Variants in SLC36A4 observed in about 807,000 individuals in gnomAD.
SLC36A4 encodes neutral amino acid uniporter 4.
Under a neutral mutation model 50.5 loss-of-function variants are expected in SLC36A4, and 49 were observed. The ratio of observed to expected loss-of-function variants is 0.97; its 90% CI spans 0.77 to 1.23. The LOEUF (loss-of-function observed/expected upper bound fraction) is 1.23, where lower values mean the gene tolerates loss of function less well. Among genes scored for constraint, SLC36A4 ranks in the 50% most tolerant of loss-of-function variants. The pLI is 0.00. For missense variants in SLC36A4, 611 were observed against 608.4 expected (o/e 1.00, Z -0.05); for synonymous variants, 207 against 206.5 (o/e 1.00, Z -0.02).
intron 6 of SLC36A4, among the ~76,000 whole-genome samples, chr11:93,174,796 G>A (rs1177931540): frequency 1.4e-5 from 2 of 143,780 alleles, no homozygotes; most frequent in Non-Finnish European, 3.0e-5. Flanking sequence ...CAGGGTTGAA[G>A]CCCACTTGAT....
intron 6 of SLC36A4, among the ~76,000 whole-genome samples, chr11:93,176,705 T>C (rs969163618): frequency 1.3e-5 from 2 of 152,204 alleles, no homozygotes; most frequent in African/African-American, 2.4e-5. Context: ...CCTTCACTTA[T>C]GAAGCTTAGT....
chr11:93,152,536 C>G (rs994410215), intron 10 of SLC36A4: 3 of 152,098 alleles, frequency 2.0e-5, no homozygotes, highest in Non-Finnish European at 4.4e-5. Flanking sequence ...TGACTTTTAA[C>G]TAAAAGAAAG....
intron 9 of SLC36A4, chr11:93,160,029 G>C (rs966584098): frequency 6.1e-6 from 6 of 985,254 alleles, no homozygotes; most frequent in Non-Finnish European, 7.2e-6. Context: ...TGAAGCACAG[G>C]AAAGAAGTGA....
chr11:93,144,968 T>C lies in SLC36A4; in HGVS notation c.*3569A>G, dbSNP rs1859819679. The C allele has an allele frequency of 6.6e-6, 1 of 152,030 alleles. No homozygotes were observed. The highest frequency in any genetic ancestry group is 1.5e-5 in the Non-Finnish European group (1 of 67,960). 9.4% of individuals were successfully genotyped at this position (152,030 alleles called of 1,614,324 possible). A position where few individuals can be genotyped will look rare whatever the true frequency, so the allele number is the denominator to read the frequency against. ...TATTTAAATAATTTTATTTATTATT[T>C]ACACTAGCTCTATTTCAAATCTTCT... On this transcript the variant is annotated 3_prime_UTR_variant, in exon 11 of 11. Transcript: ENST00000326402.
At chr11:93,177,983 G>A (rs1447375255) in intron 6 of SLC36A4, among the ~76,000 whole-genome samples, 1 of 152,182 alleles carries the variant, frequency 6.6e-6, no homozygotes, top group Non-Finnish European at 1.5e-5. Flanking sequence ...GGAGTCTACA[G>A]AGGCAGACAG....
At chr11:93,182,970 A>T (rs1026691939) in intron 3 of SLC36A4, 76 bp from the exon 4 acceptor site, 3 of 1,003,020 alleles carry the variant, frequency 3.0e-6, no homozygotes, top group Non-Finnish European at 4.6e-6. Context: ...GAATCAATGG[A>T]TTATTCACGT....
At chr11:93,156,494 A>G (rs1376611481) in intron 9 of SLC36A4, among the ~76,000 whole-genome samples, 1 of 149,472 alleles carries the variant, frequency 6.7e-6, no homozygotes, top group Admixed American at 6.7e-5. Context: ...ATCTTAGCTC[A>G]CTGCAACCTC....
chr11:93,181,540 A>G (rs1861732072), intron 5 of SLC36A4, 151 bp downstream of exon 5: 2 of 495,932 alleles, frequency 4.0e-6, no homozygotes, highest in Admixed American at 8.9e-5. Flanking sequence ...GGTCAAGTTG[A>G]GATTAGAATC....
At chr11:93,157,145 A>T (rs185813651) in intron 9 of SLC36A4, among the ~76,000 whole-genome samples, 1 of 152,070 alleles carries the variant, frequency 6.6e-6, no homozygotes, top group Non-Finnish European at 1.5e-5. Flanking sequence ...TCAAAGATCA[A>T]ATAGTTGCAG....
In SLC36A4 at chr11:93,181,701, C is replaced by A. The variant is rs1292413108; in HGVS notation, c.445G>T (p.Ala149Ser). ...SPWSCLQKQA[A>S]WGRSVVDFFL... ...AGAGTAAGTACTTACCGCCCCCATG[C>A]TGCTTGCTTCTGAAGACAACTCCAA... Residue 149 changes from alanine (A) to serine (S), a missense_variant, in exon 5 of 11, where the codon GCA becomes TCA. Physicochemically the swap from Ala to Ser is moderately conservative, Grantham distance 99. Transcript: ENST00000326402. 1 of 1,533,022 alleles carries A rather than the reference C, an allele frequency of 6.5e-7. No individual in the cohort carries two copies. Among genetic ancestry groups the A allele is most frequent in the Non-Finnish European group, 8.8e-7 (1 of 1,135,052 alleles). 95.0% of individuals were successfully genotyped at this position (1,533,022 alleles called of 1,614,324 possible).
At chr11:93,151,878 G>A (rs1242158352) in intron 10 of SLC36A4, among the ~76,000 whole-genome samples, 2 of 151,862 alleles carry the variant, frequency 1.3e-5, no homozygotes, top group Admixed American at 6.6e-5. Flanking sequence ...CATAGTACAG[G>A]TTTACTCTTA....
rs570102617 is a variant in SLC36A4, at chr11:93,186,721, TC to T, written c.56-908del. ...CCTTCAAATTATGTCTCTACTCATT[TC>T]TTAGACATGTATCTACAATCAATAT... On this transcript the variant is annotated intron_variant, in intron 1 of 10. Transcript: ENST00000326402. 6.8e-4 allele frequency among the ~76,000 whole-genome samples: 103 copies of T among 152,340 alleles called. 1 individual carries two copies. Among genetic ancestry groups the T allele is most frequent in the Admixed American group, 3.3e-3 (50 of 15,306 alleles).
At chr11:93,192,412 G>C (rs887835741) in intron 1 of SLC36A4, among the ~76,000 whole-genome samples, 3 of 152,116 alleles carry the variant, frequency 2.0e-5, no homozygotes, top group African/African-American at 7.2e-5. Flanking sequence ...TCAGATCAGA[G>C]GTGACAGAAA....
In SLC36A4 at chr11:93,174,876, A is replaced by G. The variant is rs1023794647; in HGVS notation, c.540+5921T>C. Among the ~76,000 whole-genome samples, 100 of 135,402 alleles carry G rather than the reference A, an allele frequency of 7.4e-4. 2 individuals carry two copies. The highest frequency in any genetic ancestry group is 1.2e-3 in the Admixed American group (15 of 12,400). The allele number at this position is 135,402 out of a possible 152,430, so 88.8% of individuals were successfully genotyped here. A position where few individuals can be genotyped will look rare whatever the true frequency, so the allele number is the denominator to read the frequency against. On this transcript the variant is annotated intron_variant, in intron 6 of 10. Coordinates refer to ENST00000326402, the MANE Select transcript of SLC36A4 (RefSeq NM_152313.4). ...AGTATTTTATGAGGATTTTTGCATC[A>G]ATGTTCATCAAGGATATTGGTCTAA...
In SLC36A4 at chr11:93,182,902, GAAAA is replaced by G. The variant is rs755363218; in HGVS notation, c.271-12_271-9del. 4 of 1,590,180 alleles carry G rather than the reference GAAAA, an allele frequency of 2.5e-6. No individual in the cohort carries two copies. The African/African-American group carries it at 5.4e-5, about 22-fold the overall frequency. ...AAGGCTGATTGGTCCAAGCTGTGGG[GAAAA>G]AAAATTTATAAGGTTTAAATATTTA... On this transcript the variant is annotated splice_polypyrimidine_tract_variant and intron_variant, in intron 3 of 10. Coordinates refer to ENST00000326402, the MANE Select transcript of SLC36A4 (RefSeq NM_152313.4).
chr11:93,190,358 A>G (rs888667241), intron 1 of SLC36A4, among the ~76,000 whole-genome samples: 1 of 152,208 alleles, frequency 6.6e-6, no homozygotes, highest in African/African-American at 2.4e-5. Flanking sequence ...CAAAATAACT[A>G]GAGAAATGGA....
At position 93,180,815 on chromosome 11, in the gene SLC36A4, T is replaced by C. The variant is rs756797781; in HGVS notation, c.522A>G (p.Leu174=). 1 of 1,612,064 alleles carries C rather than the reference T, an allele frequency of 6.2e-7. No homozygotes were observed. The highest frequency in any genetic ancestry group is 1.3e-5 in the African/African-American group (1 of 74,856). Residue 174 remains leucine, a synonymous_variant, in exon 6 of 11, where the codon TTA becomes TTG. Coordinates refer to ENST00000326402, the MANE Select transcript of SLC36A4 (RefSeq NM_152313.4). Reference sequence around the variant, plus strand: ...TACTCACTTGTTTCACATTTTCAGCTAAGAAGACAATATAAACACTACAGA... The same window carrying C: ...TACTCACTTGTTTCACATTTTCAGCCAAGAAGACAATATAAACACTACAGA... The part of the protein sequence containing the change: ...LGFCSVYIVF[L]AENVKQVHEG...
At position 93,147,841 on chromosome 11, in the gene SLC36A4, A is replaced by G. The variant is rs1013945599; in HGVS notation, c.*696T>C. 2 of 152,072 alleles carry G rather than the reference A, an allele frequency of 1.3e-5. No individual in the cohort carries two copies. The highest frequency in any genetic ancestry group is 4.8e-5 in the African/African-American group (2 of 41,428). The allele number at this position is 152,072 out of a possible 1,614,324, so 9.4% of individuals were successfully genotyped here. Reference sequence around the variant, plus strand: ...AGGCCTCCTTTTCCTCTGACGAAAAACAAGGGAGTTGCACTGGATAAGTTT... The same window carrying G: ...AGGCCTCCTTTTCCTCTGACGAAAAGCAAGGGAGTTGCACTGGATAAGTTT... On this transcript the variant is annotated 3_prime_UTR_variant, in exon 11 of 11. Transcript: ENST00000326402.
intron 1 of SLC36A4, among the ~76,000 whole-genome samples, chr11:93,196,756 C>G (rs1237517901): frequency 6.6e-6 from 1 of 152,210 alleles, no homozygotes; most frequent in Non-Finnish European, 1.5e-5. Flanking sequence ...CTCACTAAGA[C>G]AGGTTATTAA....
Sources: gnomAD v4.1 joint callset for allele counts (sites outside exome capture counted in the v4.1 genomes callset) on GRCh38, gnomAD v4.1.1 for gene constraint, MANE v1.5 for transcripts, NCBI Gene and HGNC (gene_info 2026-07-23, HGNC 2026-07-21) for gene names.